The following ACACB variants were observed in gnomAD, a reference collection of about 807,000 sequenced individuals.
ACACB encodes the protein acetyl-CoA carboxylase beta, also known as acetyl-CoA carboxylase 2.
A neutral mutation model predicts 278.8 loss-of-function variants in ACACB; 209 were observed. That is an observed-to-expected ratio of 0.75 (90% CI 0.67 to 0.84). ACACB has a LOEUF of 0.84. ACACB is among the 40% of genes least tolerant of loss of function. The probability of loss-of-function intolerance (pLI) is 0.00; values close to 1 mark genes in which losing one functional copy is unlikely to be tolerated. For missense variants in ACACB, 2,850 were observed against 3,269.0 expected, an observed-to-expected ratio of 0.87 and a Z score of 3.13; for synonymous variants, 1,174 against 1,285.6, an observed-to-expected ratio of 0.91 and a Z score of 1.86.
At chr12:109,171,341 T>A (rs2044107480) in intron 4 of ACACB, among the ~76,000 whole-genome samples, 1 of 151,056 alleles carries the variant, frequency 6.6e-6, no homozygotes, top group Admixed American at 6.6e-5. Flanking sequence ...TCATTTTCTT[T>A]ACATTTTCTT....
At chr12:109,131,037 G>A (rs182276679) in intron 1 of ACACB, among the ~76,000 whole-genome samples, 4 of 152,318 alleles carry the variant, frequency 2.6e-5, no homozygotes, top group Admixed American at 2.6e-4. Context: ...GGAGAGTTGG[G>A]CAAGAGGGCA....
chr12:109,189,959 A>G (rs1258306092), intron 13 of ACACB, among the ~76,000 whole-genome samples: 1 of 152,016 alleles, frequency 6.6e-6, no homozygotes, highest in Non-Finnish European at 1.5e-5. Context: ...AAAAATACTG[A>G]AATTAGCCGG....
At chr12:109,241,639 G>A (rs978966961) in intron 36 of ACACB, 2 of 287,698 alleles carry the variant, frequency 7.0e-6, no homozygotes, top group Non-Finnish European at 1.4e-5. Context: ...GAGCCACCAC[G>A]CCTGGCCATA....
intron 24 of ACACB, among the ~76,000 whole-genome samples, chr12:109,218,400 G>A (rs2046066414): frequency 6.7e-6 from 1 of 150,298 alleles, no homozygotes; most frequent in South Asian, 2.1e-4. Flanking sequence ...TTGTTTGTTT[G>A]TTTTGTAGAG....
rs559825427 is a variant in ACACB at position 109,169,988 on chromosome 12, A to T, written c.926-1817A>T. On this transcript the variant is annotated intron_variant, in intron 4 of 52. Transcript: ENST00000338432. ...ATTGTTCAATTTCAGGATCTTAGCA[A>T]TTCTATAGTACAGATGTCCCAACCC... Among the ~76,000 whole-genome samples the T allele has an allele frequency of 1.8e-4, 27 of 152,278 alleles. 3 individuals are homozygous for T. In the South Asian group the frequency reaches 5.6e-3, roughly 32 times the overall value.
At chr12:109,208,389 G>A (rs934934162) in intron 20 of ACACB, among the ~76,000 whole-genome samples, 2 of 151,830 alleles carry the variant, frequency 1.3e-5, no homozygotes, top group African/African-American at 4.8e-5. Context: ...CTAATTTTTT[G>A]TAGAGACGGG....
intron 45 of ACACB, among the ~76,000 whole-genome samples, chr12:109,256,993 G>A (rs1393128257): frequency 6.6e-6 from 1 of 152,186 alleles, no homozygotes; most frequent in Non-Finnish European, 1.5e-5. Flanking sequence ...TGCAGCCAGG[G>A]CCGGGCGTGG....
At chr12:109,128,401 G>A (rs770024227) in intron 1 of ACACB, among the ~76,000 whole-genome samples, 2 of 152,024 alleles carry the variant, frequency 1.3e-5, no homozygotes, top group South Asian at 2.1e-4. Flanking sequence ...GCAATGGCAC[G>A]ATCTTGGCTC....
At chr12:109,182,330 A>G (rs2044504648) in intron 11 of ACACB, among the ~76,000 whole-genome samples, 2 of 151,868 alleles carry the variant, frequency 1.3e-5, no homozygotes, top group African/African-American at 4.8e-5. Context: ...TCTGTTTTTA[A>G]TTGGATTCAT....
At chr12:109,196,753 C>G (rs756371611) in intron 16 of ACACB, among the ~76,000 whole-genome samples, 1 of 152,214 alleles carries the variant, frequency 6.6e-6, no homozygotes, top group Admixed American at 6.5e-5. Flanking sequence ...GTTGCCAACA[C>G]GGCTTGACAG....
rs181754564 is a variant in ACACB, at chr12:109,262,776, C to G, written c.6787+307C>G. Among the ~76,000 whole-genome samples the G allele has an allele frequency of 2.0e-5, 3 of 151,468 alleles. 1 individual carries two copies. In the South Asian group the frequency reaches 6.2e-4, roughly 32 times the overall value. On this transcript the variant is annotated intron_variant, in intron 49 of 52. Coordinates refer to ENST00000338432, the MANE Select transcript of ACACB (RefSeq NM_001093.4). ...GGGACTACAAGTACGCAACACCATG[C>G]CTAGCTAATTTTTGTATTTTTGTAG...
At chr12:109,233,595 A>T (rs113023901) in intron 29 of ACACB, among the ~76,000 whole-genome samples, 153 bp from the exon 30 acceptor site, 332 of 152,244 alleles carry the variant, frequency 2.2e-3, no homozygotes, top group African/African-American at 7.8e-3. Context: ...GTAGACAGGG[A>T]ACCTCCTGAG....
intron 41 of ACACB, among the ~76,000 whole-genome samples, chr12:109,251,464 T>A (rs1343812131): frequency 6.6e-6 from 1 of 152,226 alleles, no homozygotes; most frequent in Admixed American, 6.5e-5. Context: ...ATGTTGGTCA[T>A]AAGCATCTTC....
At chr12:109,236,205 A>G (rs1449215192) in intron 33 of ACACB, 1 of 153,010 alleles carries the variant, frequency 6.5e-6, no homozygotes, top group East Asian at 1.9e-4. Context: ...TCAAGAATGT[A>G]GCAACTTTTG....
rs2044734181 is a variant in ACACB at position 109,188,192 on chromosome 12, TC to T, written c.2144+32del. 4 of 1,050,948 alleles carry T rather than the reference TC, an allele frequency of 3.8e-6. No individual in the cohort carries two copies. The South Asian group carries it at 4.6e-5, about 12-fold the overall frequency. 65.1% of individuals were successfully genotyped at this position (1,050,948 alleles called of 1,614,324 possible). A position where few individuals can be genotyped will look rare whatever the true frequency, so the allele number is the denominator to read the frequency against. ...GTATCTCCTTCCTTCCTTCCTTCCT[TC>T]CTTCCTTCCTTCCTTCCTTCCTTCC... On this transcript the variant is annotated intron_variant, in intron 13 of 52. Transcript: ENST00000338432.
At chr12:109,173,470 C>T (rs1193302767) in intron 6 of ACACB, among the ~76,000 whole-genome samples, 7 of 152,166 alleles carry the variant, frequency 4.6e-5, no homozygotes, top group African/African-American at 1.2e-4. Context: ...TGCCCATTGA[C>T]GTTTTCTTTG....
intron 19 of ACACB, among the ~76,000 whole-genome samples, chr12:109,206,129 AAAC>A (rs778211250): frequency 9.9e-5 from 15 of 152,190 alleles, no homozygotes; most frequent in South Asian, 2.1e-4. Context: ...TTATAAAGCA[AAAC>A]AACAACAACA....
Position 109,215,652 on chromosome 12 carries a change from C to A in ACACB, c.3351-966C>A, listed in dbSNP as rs183118029. ...GGGTGGCAGGCGCCTGTAGTCCCAG[C>A]TACTCGGGAGGCTGAGGCAGGAGAA... On this transcript the variant is annotated intron_variant, in intron 22 of 52. Coordinates refer to ENST00000338432, the MANE Select transcript of ACACB (RefSeq NM_001093.4). Among the ~76,000 whole-genome samples the A allele has an allele frequency of 2.1e-3, 326 of 152,114 alleles. 1 individual carries two copies. Among genetic ancestry groups the A allele is most frequent in the African/African-American group, 7.6e-3 (314 of 41,500 alleles).
chr12:109,126,314 C>A (rs2042678875), intron 1 of ACACB, among the ~76,000 whole-genome samples: 1 of 152,192 alleles, frequency 6.6e-6, no homozygotes, highest in Admixed American at 6.5e-5. Context: ...GCTCCTCTTA[C>A]CTTCCTTCAA....
Sources: allele counts gnomAD v4.1 joint callset (sites outside exome capture counted in the v4.1 genomes callset), GRCh38; gene constraint gnomAD v4.1.1; transcripts MANE v1.5; gene names NCBI Gene and HGNC (gene_info 2026-07-23, HGNC 2026-07-21).